The following ANAPC1 variants were observed in gnomAD, a reference collection of about 807,000 sequenced individuals.
ANAPC1 encodes anaphase-promoting complex subunit 1.
Under a neutral mutation model 208.0 loss-of-function variants are expected in ANAPC1, and 36 were observed. That is an observed-to-expected ratio of 0.17 (90% CI 0.13 to 0.23). The LOEUF is 0.23. ANAPC1 is among the 10% of genes least tolerant of loss of function. The pLI is 1.00. For synonymous variants in ANAPC1, 378 were observed against 695.2 expected (o/e 0.54, Z 7.18); for missense variants, 942 against 2,011.6 (o/e 0.47, Z 10.17).
In ANAPC1 at chr2:111,846,601, A is replaced by G. The variant is rs573380697; in HGVS notation, c.1852+537T>C. ...TTTTTTTTTTTTGAGACAGAGTCTC[A>G]CTCTATCACCTAGGCTGGAGTGCAG... On this transcript the variant is annotated intron_variant, in intron 16 of 47. Transcript: ENST00000341068. 2.8e-4 allele frequency among the ~76,000 whole-genome samples: 30 copies of G among 107,732 alleles called. No homozygotes were observed. The East Asian group carries it at 7.3e-3, about 26-fold the overall frequency. 70.7% of individuals were successfully genotyped at this position (107,732 alleles called of 152,430 possible). A position where few individuals can be genotyped will look rare whatever the true frequency, so the allele number is the denominator to read the frequency against.
intron 40 of ANAPC1, among the ~76,000 whole-genome samples, chr2:111,785,098 AC>A (rs1259867621): frequency 6.9e-6 from 1 of 145,388 alleles, no homozygotes; most frequent in African/African-American, 2.5e-5. Context: ...ACTGTCAGTC[AC>A]ATAAAGTTAA....
At chr2:111,820,825 TC>T (rs1679490926) in intron 26 of ANAPC1, among the ~76,000 whole-genome samples, 2 of 152,076 alleles carry the variant, frequency 1.3e-5, no homozygotes, top group African/African-American at 4.8e-5. Flanking sequence ...AAAAAAATAC[TC>T]ATACAAGTTT....
At chr2:111,857,316 AC>A (rs1227151658) in intron 11 of ANAPC1, among the ~76,000 whole-genome samples, 1 of 152,264 alleles carries the variant, frequency 6.6e-6, no homozygotes, top group Admixed American at 6.5e-5. Flanking sequence ...TGCAAGGTAC[AC>A]AGGACTTGTT....
At chr2:111,830,307 G>A (rs950934306) in intron 21 of ANAPC1, among the ~76,000 whole-genome samples, 2 of 152,142 alleles carry the variant, frequency 1.3e-5, no homozygotes, top group Non-Finnish European at 2.9e-5. Context: ...TTAAAAAACA[G>A]TGCTGAAAGA....
rs1256786210 is a variant in ANAPC1, at chr2:111,834,828, C to T, written c.2160G>A (p.Glu720=). ...ATAAAGATCTGTTCAAAAGATGAGA[C>T]TCAACATTCTGGTGGTAGTCTGAAT... The part of the protein sequence containing the change: ...LLNSDYHQNV[E]SHLLNRSLCL... The change falls in exon 19 of 48, where the codon GAG becomes GAA. Residue 720 remains glutamate, a synonymous_variant. Coordinates refer to ENST00000341068, the MANE Select transcript of ANAPC1 (RefSeq NM_022662.4). 1 of 1,607,332 alleles carries T rather than the reference C, an allele frequency of 6.2e-7. No individual in the cohort carries two copies. The highest frequency in any genetic ancestry group is 8.5e-7 in the Non-Finnish European group (1 of 1,177,736).
chr2:111,824,185 T>C (rs754889769), intron 24 of ANAPC1, among the ~76,000 whole-genome samples: 70 of 145,586 alleles, frequency 4.8e-4, no homozygotes, highest in Non-Finnish European at 8.5e-4. Context: ...TTTTTCAGCA[T>C]AGGTATCCTG....
intron 39 of ANAPC1, among the ~76,000 whole-genome samples, chr2:111,785,738 A>G (rs1677513081): frequency 6.6e-6 from 1 of 152,190 alleles, no homozygotes; most frequent in African/African-American, 2.4e-5. Context: ...GGTAAAAAGT[A>G]TCATAACATG....
intron 34 of ANAPC1, among the ~76,000 whole-genome samples, chr2:111,799,098 C>A (rs565423261): frequency 6.6e-6 from 1 of 150,752 alleles, no homozygotes; most frequent in African/African-American, 2.4e-5. Flanking sequence ...ACTCCAGCAA[C>A]GCAGTAATAA....
At chr2:111,792,819 G>A (rs903222802) in intron 37 of ANAPC1, among the ~76,000 whole-genome samples, 1 of 152,030 alleles carries the variant, frequency 6.6e-6, no homozygotes, top group African/African-American at 2.4e-5. Flanking sequence ...CGGGCGTGGT[G>A]GCGGGCGCCT....
rs140170511 is a variant in ANAPC1 at position 111,863,822 on chromosome 2, G to A, written c.905C>T (p.Thr302Ile). The A allele has an allele frequency of 1.9e-6, 3 of 1,613,712 alleles. No individual in the cohort carries two copies. Among genetic ancestry groups the A allele is most frequent in the South Asian group, 1.1e-5 (1 of 91,080 alleles). ...TTTGGAGAGGCTTCTGAGATGTGCT[G>A]TGAGGGAGCTGCTAGTGGCCACATT... ...PQNVATSSSL[T>I]AHLRSLSKGD... is the part of the protein sequence containing the mutation. Residue 302 changes from threonine (T) to isoleucine (I), a missense_variant, in exon 9 of 48, where the codon ACA becomes ATA. Transcript: ENST00000341068.
chr2:111,775,389 C>T (rs1676952044), intron 46 of ANAPC1, among the ~76,000 whole-genome samples: 1 of 152,218 alleles, frequency 6.6e-6, no homozygotes, highest in South Asian at 2.1e-4. Flanking sequence ...TGAAAGTCCA[C>T]ATATGCATCT....
chr2:111,834,952 C>T, intron 18 of ANAPC1, 80 bp from the exon 19 acceptor site: 1 of 1,187,500 alleles, frequency 8.4e-7, no homozygotes, highest in Non-Finnish European at 1.1e-6. Context: ...TCACTTAAAA[C>T]AATTCAAGTT....
chr2:111,826,894 C>T (rs746688858), intron 21 of ANAPC1, among the ~76,000 whole-genome samples: 17 of 152,102 alleles, frequency 1.1e-4, no homozygotes, highest in Admixed American at 9.8e-4. Context: ...CTCCTGACCT[C>T]GTGATCCGCC....
chr2:111,880,420 G>C, intron 2 of ANAPC1, 193 bp downstream of exon 2: 1 of 1,038,910 alleles, frequency 9.6e-7, no homozygotes, highest in Non-Finnish European at 1.3e-6. Context: ...ACAAGTTATA[G>C]AGGGTATCTA....
chr2:111,807,723 C>G (rs1407529646), intron 29 of ANAPC1, among the ~76,000 whole-genome samples: 1 of 151,998 alleles, frequency 6.6e-6, no homozygotes, highest in African/African-American at 2.4e-5. Flanking sequence ...TACATTCTGA[C>G]AGTAATTATA....
chr2:111,770,222 TATA>T (rs1676661887), intron 47 of ANAPC1, among the ~76,000 whole-genome samples: 1 of 103,376 alleles, frequency 9.7e-6, no homozygotes, highest in African/African-American at 3.7e-5. Context: ...TATATATATA[TATA>T]TATAAATTCT....
chr2:111,838,887 A>T (rs1286042663), intron 17 of ANAPC1, among the ~76,000 whole-genome samples: 6 of 152,214 alleles, frequency 3.9e-5, no homozygotes, highest in African/African-American at 1.4e-4. Context: ...TATCAGTCAA[A>T]TGTTAGAACT....
intron 3 of ANAPC1, among the ~76,000 whole-genome samples, chr2:111,877,806 CAAT>C (rs936054214): frequency 6.6e-6 from 1 of 151,758 alleles, no homozygotes. Context: ...AATAAATAAA[CAAT>C]AATAATAATA....
intron 27 of ANAPC1, among the ~76,000 whole-genome samples, chr2:111,817,550 T>C (rs1231389444): frequency 6.6e-6 from 1 of 152,136 alleles, no homozygotes; most frequent in East Asian, 1.9e-4. Flanking sequence ...CTCAGTGAGA[T>C]CAGGGCTCAG....
Sources: gnomAD v4.1 joint callset for allele counts (sites outside exome capture counted in the v4.1 genomes callset) on GRCh38, gnomAD v4.1.1 for gene constraint, MANE v1.5 for transcripts, NCBI Gene and HGNC (gene_info 2026-07-23, HGNC 2026-07-21) for gene names.